The following KANSL1L variants were observed in gnomAD, a reference collection of about 807,000 sequenced individuals.
KANSL1L encodes KAT8 regulatory NSL complex subunit 1 like.
A neutral mutation model predicts 108.6 loss-of-function variants in KANSL1L; 25 were observed. That is an observed-to-expected ratio of 0.23 (90% CI 0.17 to 0.32). The LOEUF is 0.32. KANSL1L is among the 10% of genes least tolerant of loss of function. The pLI is 1.00. For synonymous variants in KANSL1L, 405 were observed against 395.1 expected (o/e 1.03, Z -0.30); for missense variants, 1,137 against 1,125.7 (o/e 1.01, Z -0.14).
At chr2:210,136,352 C>T (rs1242785822) in intron 2 of KANSL1L, among the ~76,000 whole-genome samples, 1 of 152,034 alleles carries the variant, frequency 6.6e-6, no homozygotes, top group African/African-American at 2.4e-5. Context: ...CGCTACCACG[C>T]CTCTTCTCTT....
chr2:210,129,350 A>G (rs1268427061), intron 2 of KANSL1L, among the ~76,000 whole-genome samples, 178 bp from the exon 3 acceptor site: 1 of 152,174 alleles, frequency 6.6e-6, no homozygotes, highest in Non-Finnish European at 1.5e-5. Flanking sequence ...TAATTTTCCT[A>G]CCTTTCCACC....
intron 6 of KANSL1L, among the ~76,000 whole-genome samples, chr2:210,054,846 GAAGA>G (rs2094332798): frequency 6.6e-6 from 1 of 151,860 alleles, no homozygotes; most frequent in Non-Finnish European, 1.5e-5. Flanking sequence ...GAAAGAAGAA[GAAGA>G]AAGAAAATAC....
intron 6 of KANSL1L, among the ~76,000 whole-genome samples, chr2:210,055,079 C>G (rs983799665): frequency 6.6e-6 from 1 of 152,152 alleles, no homozygotes; most frequent in Admixed American, 6.5e-5. Context: ...ATGGGAGGGA[C>G]CCAGTGGGAG....
At chr2:210,141,360 GT>G (rs931513319) in intron 2 of KANSL1L, among the ~76,000 whole-genome samples, 2 of 152,126 alleles carry the variant, frequency 1.3e-5, no homozygotes, top group Admixed American at 1.3e-4. Context: ...AATTCCCAAT[GT>G]GATGGCCTTA....
intron 13 of KANSL1L, among the ~76,000 whole-genome samples, 163 bp from the exon 14 acceptor site, chr2:210,024,364 C>T (rs2093905550): frequency 6.6e-6 from 1 of 152,118 alleles, no homozygotes; most frequent in Non-Finnish European, 1.5e-5. Context: ...TATTTTCATA[C>T]TCAGAGGATG....
chr2:210,097,602 GTTA>G (rs931437671), intron 5 of KANSL1L, among the ~76,000 whole-genome samples: 32 of 152,014 alleles, frequency 2.1e-4, no homozygotes, highest in Non-Finnish European at 3.5e-4. Flanking sequence ...GTTTATAGGA[GTTA>G]TTAATTATAG....
intron 3 of KANSL1L, among the ~76,000 whole-genome samples, chr2:210,109,469 T>C (rs992588387): frequency 2.0e-5 from 3 of 152,120 alleles, no homozygotes; most frequent in African/African-American, 7.2e-5. Flanking sequence ...TAGAATACTG[T>C]TTCCCACAAA....
rs569049692 is a variant in KANSL1L at position 210,155,822 on chromosome 2, C to G, written c.-29-1211G>C. ...ACCTGATATGCCAAAATTTTTGTTT[C>G]AACACATAATAGTTGATAGTCATTT... On this transcript the variant is annotated intron_variant, in intron 1 of 14. Coordinates refer to ENST00000281772, the MANE Select transcript of KANSL1L (RefSeq NM_152519.4). Among the ~76,000 whole-genome samples the G allele has an allele frequency of 2.0e-5, 3 of 152,232 alleles. No individual in the cohort carries two copies. In the South Asian group the frequency reaches 6.2e-4, roughly 32 times the overall value.
At chr2:210,147,193 G>A (rs776823313) in intron 2 of KANSL1L, among the ~76,000 whole-genome samples, 11 of 152,180 alleles carry the variant, frequency 7.2e-5, no homozygotes, top group Non-Finnish European at 1.3e-4. Context: ...GGGCATGGTC[G>A]CTCATGCTGT....
In KANSL1L at chr2:210,154,131, A is replaced by C; in HGVS notation, c.452T>G (p.Ile151Ser). The C allele has an allele frequency of 1.2e-6, 2 of 1,614,072 alleles. No individual in the cohort carries two copies. Among genetic ancestry groups the C allele is most frequent in the South Asian group, 1.1e-5 (1 of 91,074 alleles). Residue 151 changes from isoleucine (I) to serine (S), a missense_variant, in exon 2 of 15, where the codon ATT becomes AGT. By Grantham distance (142) the Ile-to-Ser change is moderately radical. This residue lies in a region of KANSL1L where 556 missense variants were observed against 537.7 expected (regional missense o/e 1.03). Transcript: ENST00000281772. The stretch of plus-strand genomic sequence containing the variant: ...TTTGGTTATATTTGAATCCAGAATA[A>C]TTTGTACATCTTTCATGCACTGGCT... ...TTSQCMKDVQIILDSNITKDT... is the reference protein window; with the variant it reads ...TTSQCMKDVQSILDSNITKDT...
intron 4 of KANSL1L, among the ~76,000 whole-genome samples, chr2:210,100,411 A>G (rs910363233): frequency 1.3e-4 from 20 of 152,226 alleles, no homozygotes; most frequent in Non-Finnish European, 2.8e-4. Context: ...TTATCTAACA[A>G]TGCAAGCATT....
At chr2:210,107,541 T>A (rs2125447068) in intron 3 of KANSL1L, among the ~76,000 whole-genome samples, 1 of 150,192 alleles carries the variant, frequency 6.7e-6, no homozygotes, top group Non-Finnish European at 1.5e-5. Flanking sequence ...TATATTTTTT[T>A]TTTTTGAGAC....
intron 2 of KANSL1L, among the ~76,000 whole-genome samples, chr2:210,150,435 G>C (rs2095294712): frequency 6.6e-6 from 1 of 152,086 alleles, no homozygotes; most frequent in Non-Finnish European, 1.5e-5. Context: ...AGAAATAAAT[G>C]TAAATCTTAA....
Position 210,044,087 on chromosome 2 carries a change from T to C in KANSL1L, c.1773A>G (p.Glu591=), listed in dbSNP as rs189145037. The C allele has an allele frequency of 4.4e-6, 7 of 1,586,968 alleles. 1 individual carries two copies. The Admixed American group carries it at 1.3e-4, about 28-fold the overall frequency. ...YWTPQTLPSK[E]TAFLNTTQMP... is the part of the protein sequence containing the mutation. Reference sequence around the variant, plus strand: ...TTTGTGTAGTGTTTAAAAATGCTGTTTCTTTTGAAGGCAAAGTCTGCAAGG... The same window carrying C: ...TTTGTGTAGTGTTTAAAAATGCTGTCTCTTTTGAAGGCAAAGTCTGCAAGG... The change falls in exon 7 of 15, where the codon GAA becomes GAG. Residue 591 remains glutamate, a synonymous_variant. Coordinates refer to ENST00000281772, the MANE Select transcript of KANSL1L (RefSeq NM_152519.4). The surrounding 1 kb of genome is among the most constrained non-coding windows in gnomAD (Gnocchi z 4.2).
intron 1 of KANSL1L, among the ~76,000 whole-genome samples, chr2:210,163,707 AT>A (rs1231972408): frequency 2.6e-5 from 4 of 152,136 alleles, no homozygotes; most frequent in Non-Finnish European, 4.4e-5. Flanking sequence ...AATATATAAA[AT>A]TATATTACAT....
chr2:210,136,289 CAAAGAAAAA>C (rs1053153387), intron 2 of KANSL1L, among the ~76,000 whole-genome samples: 1 of 150,698 alleles, frequency 6.6e-6, no homozygotes, highest in African/African-American at 2.4e-5. Context: ...TCCCACCCCT[CAAAGAAAAA>C]AAAGAAAAAA....
chr2:210,097,848 T>A (rs2094752432), intron 5 of KANSL1L: 1 of 249,326 alleles, frequency 4.0e-6, no homozygotes, highest in South Asian at 6.9e-5. Flanking sequence ...ATTCTTTTTT[T>A]AAGAAACATT....
At chr2:210,125,341 G>A (rs1239823792) in intron 3 of KANSL1L, among the ~76,000 whole-genome samples, 2 of 152,124 alleles carry the variant, frequency 1.3e-5, no homozygotes, top group Non-Finnish European at 2.9e-5. Context: ...TCTTGATAAA[G>A]TAAAGCCCTG....
At chr2:210,100,933 C>T (rs1003067420) in intron 4 of KANSL1L, among the ~76,000 whole-genome samples, 2 of 152,152 alleles carry the variant, frequency 1.3e-5, no homozygotes, top group African/African-American at 4.8e-5. Context: ...CTACCATGCC[C>T]GGCCACCAAG....
Sources: allele counts gnomAD v4.1 joint callset (sites outside exome capture counted in the v4.1 genomes callset), GRCh38; gene constraint gnomAD v4.1.1; regional missense constraint gnomAD v4.1.1; non-coding constraint Gnocchi (gnomAD v3.1); transcripts MANE v1.5; gene names NCBI Gene and HGNC (gene_info 2026-07-23, HGNC 2026-07-21).